The following CDH13 variants were observed in gnomAD, a reference collection of about 807,000 sequenced individuals.
CDH13 encodes cadherin-13.
Under a neutral mutation model 63.8 loss-of-function variants are expected in CDH13, and 24 were observed. The ratio of observed to expected loss-of-function variants is 0.38; its 90% CI spans 0.27 to 0.53. The LOEUF is 0.53. CDH13 is among the 20% of genes least tolerant of loss of function. The pLI is 0.85. For synonymous variants in CDH13, 503 were observed against 355.3 expected (o/e 1.42, Z -4.67); for missense variants, 1,049 against 903.1 (o/e 1.16, Z -2.07).
chr16:83,049,289 G>C (rs1273484371), intron 3 of CDH13, among the ~76,000 whole-genome samples: 1 of 146,408 alleles, frequency 6.8e-6, no homozygotes, highest in Non-Finnish European at 1.5e-5. Flanking sequence ...TAATATAAAT[G>C]AAATCATACA....
intron 2 of CDH13, among the ~76,000 whole-genome samples, chr16:82,930,743 T>C (rs1180225602): frequency 3.3e-5 from 5 of 152,300 alleles, no homozygotes; most frequent in East Asian, 1.9e-4. Flanking sequence ...CTATAAAGCA[T>C]TGGTGATGCC....
chr16:83,380,539 A>C (rs1258403801), intron 6 of CDH13, among the ~76,000 whole-genome samples: 1 of 152,210 alleles, frequency 6.6e-6, no homozygotes, highest in Non-Finnish European at 1.5e-5. Context: ...AGAGTGAGAC[A>C]TTTCTTTTTA....
At chr16:83,604,136 C>G (rs1472842444) in intron 8 of CDH13, among the ~76,000 whole-genome samples, 1 of 152,100 alleles carries the variant, frequency 6.6e-6, no homozygotes, top group East Asian at 1.9e-4. Context: ...CCACATCAGC[C>G]TCTTCACCTC....
intron 6 of CDH13, among the ~76,000 whole-genome samples, chr16:83,406,158 C>G (rs1314657891): frequency 6.6e-6 from 1 of 152,214 alleles, no homozygotes; most frequent in Non-Finnish European, 1.5e-5. Flanking sequence ...GCCCAGGCCC[C>G]TGTCTATGAA....
intron 8 of CDH13, among the ~76,000 whole-genome samples, chr16:83,660,944 G>C (rs1198663233): frequency 2.0e-5 from 3 of 151,780 alleles, no homozygotes. Context: ...AAAAATGTAG[G>C]CATATTTGCT....
chr16:83,508,136 G>A lies in CDH13; in HGVS notation c.960+21481G>A, dbSNP rs1490427443. Among the ~76,000 whole-genome samples, 43 of 69,836 alleles carry A rather than the reference G, an allele frequency of 6.2e-4. 1 individual carries two copies. The highest frequency in any genetic ancestry group is 2.0e-3 in the African/African-American group (36 of 17,734). The allele number at this position is 69,836 out of a possible 152,430, so 45.8% of individuals were successfully genotyped here. ...AAGGAAGGAAGGGAGGAAGGAAAGG[G>A]AAGGGGAGGGGAGGGGAGGCGAGGG... On this transcript the variant is annotated intron_variant, in intron 7 of 13. Coordinates refer to ENST00000567109, the MANE Select transcript of CDH13 (RefSeq NM_001257.5).
At chr16:83,322,672 C>A (rs1375954836) in intron 5 of CDH13, among the ~76,000 whole-genome samples, 1 of 152,100 alleles carries the variant, frequency 6.6e-6, no homozygotes, top group Admixed American at 6.5e-5. Flanking sequence ...AACTCTGGGA[C>A]TGTCAAGAAA....
intron 12 of CDH13, among the ~76,000 whole-genome samples, chr16:83,781,275 A>G (rs1915501444): frequency 6.6e-6 from 1 of 152,142 alleles, no homozygotes; most frequent in Admixed American, 6.5e-5. Flanking sequence ...TTCTTCCCCA[A>G]ATGTAAACTA....
chr16:82,941,901 A>T (rs1054637914), intron 2 of CDH13, among the ~76,000 whole-genome samples: 1 of 152,198 alleles, frequency 6.6e-6, no homozygotes, highest in Non-Finnish European at 1.5e-5. Context: ...TTTAAAAGAA[A>T]CTTCCCTCAG....
At chr16:83,501,056 T>C (rs1272555432) in intron 7 of CDH13, among the ~76,000 whole-genome samples, 1 of 152,230 alleles carries the variant, frequency 6.6e-6, no homozygotes, top group Non-Finnish European at 1.5e-5. Context: ...ATAAGCATTC[T>C]TATTTCTTTA....
At chr16:83,469,121 C>T (rs925442288) in intron 6 of CDH13, among the ~76,000 whole-genome samples, 7 of 152,134 alleles carry the variant, frequency 4.6e-5, no homozygotes, top group African/African-American at 1.7e-4. Context: ...AGGTGGAATT[C>T]AGCAGAAGCA....
chr16:83,621,943 G>A (rs1909857431), intron 8 of CDH13, among the ~76,000 whole-genome samples: 1 of 151,978 alleles, frequency 6.6e-6, no homozygotes, highest in South Asian at 2.1e-4. Flanking sequence ...AGGGTTGGAG[G>A]GCTTCTTTCA....
At chr16:83,455,536 TC>T (rs2072999505) in intron 6 of CDH13, among the ~76,000 whole-genome samples, 1 of 152,146 alleles carries the variant, frequency 6.6e-6, no homozygotes, top group South Asian at 2.1e-4. Context: ...TTTTGTGTAT[TC>T]CCACGCAGGA....
chr16:83,557,203 T>C (rs148508767), intron 7 of CDH13, among the ~76,000 whole-genome samples: 8 of 152,292 alleles, frequency 5.3e-5, no homozygotes, highest in African/African-American at 1.7e-4. Context: ...TAATGCCTGA[T>C]AGTCTGTCAC....
chr16:82,754,144 A>G (rs1207920721), intron 1 of CDH13, among the ~76,000 whole-genome samples: 1 of 152,138 alleles, frequency 6.6e-6, no homozygotes, highest in African/African-American at 2.4e-5. Context: ...AAACTCCTTA[A>G]TATTAAACTT....
At chr16:83,023,301 C>T (rs1359830198) in intron 2 of CDH13, among the ~76,000 whole-genome samples, 1 of 108,632 alleles carries the variant, frequency 9.2e-6, no homozygotes, top group Non-Finnish European at 1.9e-5. Context: ...GTTTTCACTA[C>T]CCCCCGACTC....
At chr16:82,775,016 AT>A (rs2035431989) in intron 1 of CDH13, among the ~76,000 whole-genome samples, 1 of 152,158 alleles carries the variant, frequency 6.6e-6, no homozygotes. Context: ...ACTCTACCTA[AT>A]GGCCCTAGAG....
chr16:82,829,119 C>A (rs947606465), intron 1 of CDH13: 3 of 152,140 alleles, frequency 2.0e-5, no homozygotes, highest in African/African-American at 4.8e-5. Flanking sequence ...GGTGGGAGAA[C>A]CTTTTCTTCA....
chr16:83,239,425 TGTG>T (rs969271813), intron 5 of CDH13, among the ~76,000 whole-genome samples: 46 of 152,276 alleles, frequency 3.0e-4, no homozygotes, highest in African/African-American at 1.0e-3. Context: ...AGCCATTTGT[TGTG>T]GTGATATTCA....
Sources: allele counts gnomAD v4.1 joint callset (sites outside exome capture counted in the v4.1 genomes callset), GRCh38; gene constraint gnomAD v4.1.1; transcripts MANE v1.5; gene names NCBI Gene and HGNC (gene_info 2026-07-23, HGNC 2026-07-21).